The following GRIK1 variants were observed in gnomAD, a reference collection of about 807,000 sequenced individuals.
GRIK1 encodes glutamate ionotropic receptor kainate type subunit 1.
A neutral mutation model predicts 105.7 loss-of-function variants in GRIK1; 69 were observed. That is an observed-to-expected ratio of 0.65 (90% confidence interval 0.54 to 0.80). GRIK1 has a LOEUF of 0.80. Ranked by LOEUF, GRIK1 falls within the 30% of genes least tolerant of loss-of-function variation. The pLI is 0.00. For missense variants in GRIK1, 1,109 were observed against 1,167.3 expected, an observed-to-expected ratio of 0.95 and a Z score of 0.73; for synonymous variants, 438 against 431.3, an observed-to-expected ratio of 1.02 and a Z score of -0.19.
chr21:29,841,093 A>G (rs2067968556), intron 1 of GRIK1, among the ~76,000 whole-genome samples: 1 of 152,190 alleles, frequency 6.6e-6, no homozygotes, highest in Non-Finnish European at 1.5e-5. Flanking sequence ...GCAAATAAGA[A>G]AGCTATATTA....
chr21:29,545,817 A>T (rs1164547972), intron 16 of GRIK1, among the ~76,000 whole-genome samples: 2 of 152,172 alleles, frequency 1.3e-5, no homozygotes, highest in East Asian at 3.9e-4. Flanking sequence ...CAAACAAATT[A>T]TGTGATACTA....
rs567522161 is a variant in GRIK1, at chr21:29,580,122, CAT to C, written c.1912+1301_1912+1302del. Among the ~76,000 whole-genome samples, 72 of 141,014 alleles carry C rather than the reference CAT, an allele frequency of 5.1e-4. No homozygotes were observed. The East Asian group carries it at 0.013, about 25-fold the overall frequency. The allele number at this position is 141,014 out of a possible 152,430, so 92.5% of individuals were successfully genotyped here. On this transcript the variant is annotated intron_variant, in intron 13 of 17. Transcript: ENST00000327783. ...ATGTGTGTATATATACATATATACA[CAT>C]ATACACACATATATATACATATATA...
intron 8 of GRIK1, among the ~76,000 whole-genome samples, chr21:29,597,316 A>G (rs1412391904): frequency 6.6e-6 from 1 of 152,230 alleles, no homozygotes; most frequent in Non-Finnish European, 1.5e-5. Context: ...CCTTTGATGG[A>G]AAAACACCAA....
At chr21:29,733,487 G>A (rs1051916969) in intron 1 of GRIK1, among the ~76,000 whole-genome samples, 1 of 151,718 alleles carries the variant, frequency 6.6e-6, no homozygotes, top group Non-Finnish European at 1.5e-5. Context: ...AAATAAAGTT[G>A]CATCCTAATC....
chr21:29,736,355 C>T (rs1249136959), intron 1 of GRIK1, among the ~76,000 whole-genome samples: 1 of 152,080 alleles, frequency 6.6e-6, no homozygotes, highest in Non-Finnish European at 1.5e-5. Flanking sequence ...TTCAGCCTCC[C>T]AAGTAGCTGG....
At position 29,673,184 on chromosome 21, in the gene GRIK1, C is replaced by T. The variant is rs1738296169; in HGVS notation, c.545-20G>A. 1 of 1,536,174 alleles carries T rather than the reference C, an allele frequency of 6.5e-7. No individual in the cohort carries two copies. Among genetic ancestry groups the T allele is most frequent in the Non-Finnish European group, 9.0e-7 (1 of 1,111,538 alleles). ...TTAGACCTAGAAAATGACATGCAAT[C>T]ATGCAATGGAGACTGTTCTGTCGAC... is the stretch of plus-strand genomic sequence containing the variant. On this transcript the variant is annotated intron_variant, in intron 3 of 17. Coordinates refer to ENST00000327783, the MANE Select transcript of GRIK1 (RefSeq NM_001330994.2).
Position 29,703,324 on chromosome 21 carries a change from C to A in GRIK1, c.119-9261G>T, listed in dbSNP as rs150625152. Among the ~76,000 whole-genome samples the A allele has an allele frequency of 1.7e-3, 261 of 152,284 alleles. 2 individuals carry two copies. The highest frequency in any genetic ancestry group is 5.8e-3 in the African/African-American group (242 of 41,560). On this transcript the variant is annotated intron_variant, in intron 1 of 17. Coordinates refer to ENST00000327783, the MANE Select transcript of GRIK1 (RefSeq NM_001330994.2). ...ACATGGAAAGCGTTTGTAGTGTTGA[C>A]TCCTGTTTTGCATTCCTGTGGAATA... is the stretch of plus-strand genomic sequence containing the variant.
At chr21:29,700,508 A>T (rs981914774) in intron 1 of GRIK1, among the ~76,000 whole-genome samples, 1 of 152,188 alleles carries the variant, frequency 6.6e-6, no homozygotes, top group African/African-American at 2.4e-5. Flanking sequence ...CCTTAATCCC[A>T]CATTATATGG....
intron 7 of GRIK1, among the ~76,000 whole-genome samples, chr21:29,620,848 AT>A (rs1568897901): frequency 2.1e-5 from 3 of 143,166 alleles, no homozygotes; most frequent in African/African-American, 7.9e-5. Context: ...CATAAAATAT[AT>A]ATCATATGTA....
At chr21:29,922,997 G>T (rs1324815142) in intron 1 of GRIK1, among the ~76,000 whole-genome samples, 1 of 152,094 alleles carries the variant, frequency 6.6e-6, no homozygotes, top group Non-Finnish European at 1.5e-5. Context: ...GACCCGAAAG[G>T]ACTTGTGTAC....
At chr21:29,709,262 T>A (rs1366364992) in intron 1 of GRIK1, among the ~76,000 whole-genome samples, 3 of 151,176 alleles carry the variant, frequency 2.0e-5, no homozygotes, top group Non-Finnish European at 4.4e-5. Context: ...TTCTATAGGA[T>A]CCATTTACTC....
chr21:29,654,106 C>T (rs1251967390), intron 5 of GRIK1, among the ~76,000 whole-genome samples: 1 of 152,076 alleles, frequency 6.6e-6, no homozygotes, highest in South Asian at 2.1e-4. Flanking sequence ...TGTTTTTCTT[C>T]TCATGTAAGG....
intron 7 of GRIK1, among the ~76,000 whole-genome samples, chr21:29,632,550 A>G (rs1221927457): frequency 6.6e-6 from 1 of 152,058 alleles, no homozygotes; most frequent in Non-Finnish European, 1.5e-5. Context: ...CTCACAAAAC[A>G]TGTATATCCT....
chr21:29,629,229 T>TGTGTGTGA (rs1343942090), intron 7 of GRIK1, among the ~76,000 whole-genome samples: 2 of 146,872 alleles, frequency 1.4e-5, no homozygotes, highest in African/African-American at 5.3e-5. Flanking sequence ...TGTGTGTGTG[T>TGTGTGTGA]GTGTGCTATT....
intron 1 of GRIK1, among the ~76,000 whole-genome samples, chr21:29,733,737 C>T (rs1204769564): frequency 3.9e-5 from 6 of 152,038 alleles, no homozygotes; most frequent in African/African-American, 1.4e-4. Context: ...ACATGAACCT[C>T]TGTTAGCGTT....
intron 1 of GRIK1, among the ~76,000 whole-genome samples, chr21:29,894,822 T>A (rs2070061389): frequency 6.6e-6 from 1 of 152,200 alleles, no homozygotes; most frequent in Admixed American, 6.5e-5. Context: ...TCTGTTTGAG[T>A]ATATGGATAC....
intron 9 of GRIK1, among the ~76,000 whole-genome samples, chr21:29,593,303 A>G (rs895506797): frequency 3.3e-5 from 5 of 152,064 alleles, no homozygotes; most frequent in Admixed American, 1.3e-4. Flanking sequence ...TAACCATCCA[A>G]CGTTTCCAGG....
intron 1 of GRIK1, among the ~76,000 whole-genome samples, chr21:29,822,712 A>C (rs2067338783): frequency 6.6e-6 from 1 of 152,006 alleles, no homozygotes; most frequent in African/African-American, 2.4e-5. Context: ...CACCTATAGA[A>C]TAAAACCACA....
intron 1 of GRIK1, among the ~76,000 whole-genome samples, chr21:29,723,061 G>A (rs925049236): frequency 6.6e-6 from 1 of 152,246 alleles, no homozygotes; most frequent in South Asian, 2.1e-4. Flanking sequence ...TGACATACCT[G>A]TAATCCCAGC....
Sources: gnomAD v4.1 joint callset for allele counts (sites outside exome capture counted in the v4.1 genomes callset) on GRCh38, gnomAD v4.1.1 for gene constraint, MANE v1.5 for transcripts, NCBI Gene and HGNC (gene_info 2026-07-23, HGNC 2026-07-21) for gene names.